The following TCF20 variants were observed in gnomAD, a reference collection of about 807,000 sequenced individuals.
The protein encoded by TCF20 is SPRE-binding protein.
Under a neutral mutation model 148.6 loss-of-function variants are expected in TCF20, and 3 were observed. The ratio of observed to expected loss-of-function variants is 0.02; its 90% confidence interval spans 0.01 to 0.05. The LOEUF (loss-of-function observed/expected upper bound fraction) is 0.05. Ranked by LOEUF, TCF20 falls within the 10% of genes least tolerant of loss-of-function variation. TCF20 has a pLI of 1.00. For missense variants in TCF20, 2,350 were observed against 2,429.3 expected, an observed-to-expected ratio of 0.97 and a Z score of 0.69; for synonymous variants, 1,049 against 909.5, an observed-to-expected ratio of 1.15 and a Z score of -2.76.
rs571659461 is a variant in TCF20, at chr22:42,231,873, G to A, written c.-36-16532C>T. ...GAACCCGGGAGGCGGAGCTTGCAGT[G>A]AGCCAAGATCAAGCCACCGCACTCC... On this transcript the variant is annotated intron_variant, in intron 1 of 5. Transcript: ENST00000677622. Among the ~76,000 whole-genome samples, 6 of 143,602 alleles carry A rather than the reference G, an allele frequency of 4.2e-5. No homozygotes were observed. In the Admixed American group the frequency reaches 4.4e-4, roughly 10 times the overall value. The allele number at this position is 143,602 out of a possible 152,430, so 94.2% of individuals were successfully genotyped here. A position where few individuals can be genotyped will look rare whatever the true frequency, so the allele number is the denominator to read the frequency against.
intron 3 of TCF20, among the ~76,000 whole-genome samples, chr22:42,178,878 A>G (rs958984960): frequency 6.6e-6 from 1 of 151,836 alleles, no homozygotes; most frequent in Admixed American, 6.6e-5. Context: ...AAACAACCCA[A>G]TTTTACAATG....
At chr22:42,203,709 G>A (rs1444662063) in intron 2 of TCF20, among the ~76,000 whole-genome samples, 1 of 152,216 alleles carries the variant, frequency 6.6e-6, no homozygotes, top group Non-Finnish European at 1.5e-5. Context: ...ATGAAGATGG[G>A]TCCCAGCAGA....
chr22:42,173,371 A>G (rs957397291), intron 3 of TCF20, among the ~76,000 whole-genome samples: 4 of 152,150 alleles, frequency 2.6e-5, no homozygotes, highest in African/African-American at 9.7e-5. Context: ...TGCAGGGTCA[A>G]CATCAGGTGG....
rs370050252 is a variant in TCF20 at position 42,215,236 on chromosome 22, A to C, written c.70T>G (p.Ser24Ala). 1 of 1,614,080 alleles carries C rather than the reference A, an allele frequency of 6.2e-7. No homozygotes were observed. The highest frequency in any genetic ancestry group is 8.5e-7 in the Non-Finnish European group (1 of 1,180,042). ...QQSYPQEVHG[S>A]SRLEEFSPRQ... ...GGGCTGAACTCTTCTAGCCGGGATG[A>C]GCCGTGTACCTCCTGTGGGTAGCTT... Residue 24 changes from serine (S) to alanine (A), a missense_variant, in exon 2 of 6, where the codon TCA (serine) becomes GCA (alanine). Coordinates refer to ENST00000677622, the MANE Select transcript of TCF20 (RefSeq NM_001378418.1).
At chr22:42,221,746 T>TTTTTTGTTTTG (rs901609719) in intron 1 of TCF20, among the ~76,000 whole-genome samples, 1 of 131,394 alleles carries the variant, frequency 7.6e-6, no homozygotes, top group African/African-American at 3.1e-5. Context: ...AGGGTTTTTT[T>TTTTTTGTTTTG]TTTTTTTTTT....
chr22:42,289,898 G>A (rs1463087234), intron 1 of TCF20, among the ~76,000 whole-genome samples: 1 of 152,218 alleles, frequency 6.6e-6, no homozygotes, highest in Non-Finnish European at 1.5e-5. Flanking sequence ...GCGGACCCCG[G>A]AGGCTGCTAC....
chr22:42,242,224 A>AAAACAAC (rs1257094788), intron 1 of TCF20, among the ~76,000 whole-genome samples: 1 of 147,582 alleles, frequency 6.8e-6, no homozygotes, highest in African/African-American at 2.6e-5. Flanking sequence ...AAAAAAAAAA[A>AAAACAAC]AAACAGAAAA....
intron 1 of TCF20, among the ~76,000 whole-genome samples, chr22:42,300,502 C>T (rs946913532): frequency 1.1e-4 from 16 of 152,126 alleles, no homozygotes; most frequent in Non-Finnish European, 2.1e-4. Flanking sequence ...CTTTTGTTTC[C>T]CAGGGGGCAC....
At position 42,317,322 on chromosome 22, in the gene TCF20, G is replaced by A. The variant is rs908807367; in HGVS notation, c.-37+26157C>T. On this transcript the variant is annotated intron_variant, in intron 1 of 1. Coordinates refer to the TCF20 transcript ENST00000515426. This position sits in a 1 kb window ranked among gnomAD's most constrained non-coding sequence, Gnocchi z 4.2. ...ACTGAAGGTGGCAATATTTCACCTC[G>A]CCCAGAAATTTACTGCAAGTTCTCA... Among the ~76,000 whole-genome samples, 6 of 152,122 alleles carry A rather than the reference G, an allele frequency of 3.9e-5. No homozygotes were observed. Among genetic ancestry groups the A allele is most frequent in the East Asian group, 1.9e-4 (1 of 5,204 alleles).
intron 1 of TCF20, among the ~76,000 whole-genome samples, chr22:42,235,407 G>T (rs1229710011): frequency 6.6e-6 from 1 of 152,126 alleles, no homozygotes; most frequent in Non-Finnish European, 1.5e-5. Flanking sequence ...GTATCAACTG[G>T]TGCACACCAT....
Position 42,211,072 on chromosome 22 carries a change from C to T in TCF20, c.4234G>A (p.Val1412Met), listed in dbSNP as rs1180749876. The change falls in exon 2 of 6, where the codon GTG becomes ATG. Residue 1412 changes from valine to methionine, a missense_variant. Transcript: ENST00000677622. The part of the protein sequence containing the change: ...DADIEKRKGE[V>M]ASDLVSPANQ... ...GCTGGACTGACTAGGTCCGAAGCCA[C>T]CTCACCTTTTCTCTTCTCTATGTCA... 1 of 1,614,044 alleles carries T rather than the reference C, an allele frequency of 6.2e-7. No individual in the cohort carries two copies. Among genetic ancestry groups the T allele is most frequent in the Non-Finnish European group, 8.5e-7 (1 of 1,180,032 alleles).
rs574020774 is a variant in TCF20, at chr22:42,169,485, C to T, written c.5799+362G>A. 6.6e-5 allele frequency among the ~76,000 whole-genome samples: 10 copies of T among 152,342 alleles called. No individual in the cohort carries two copies. The South Asian group carries it at 1.9e-3, about 28-fold the overall frequency. ...AGATGCCTTTGCACAGGCCTCAAGG[C>T]CTAGAACCAGACTTACCAAACGCCA... On this transcript the variant is annotated intron_variant, in intron 4 of 5. Transcript: ENST00000677622.
At chr22:42,307,909 C>T (rs1286124258) in intron 1 of TCF20, among the ~76,000 whole-genome samples, 1 of 152,232 alleles carries the variant, frequency 6.6e-6, no homozygotes, top group African/African-American at 2.4e-5. Context: ...GGAAGACGAA[C>T]TTCGAGGCAC....
At chr22:42,286,319 G>A (rs1228123567), upstream of TCF20, among the ~76,000 whole-genome samples, 1 of 152,124 alleles carries the variant, frequency 6.6e-6, no homozygotes, top group African/African-American at 2.4e-5. Context: ...GGGTTGACTG[G>A]AACAGTGAAT....
intron 1 of TCF20, among the ~76,000 whole-genome samples, chr22:42,243,804 A>G (rs1474390418): frequency 6.6e-6 from 1 of 152,206 alleles, no homozygotes; most frequent in African/African-American, 2.4e-5. Context: ...CTAAGCAATA[A>G]AGTCTACTAA....
At chr22:42,271,022 C>G (rs1275933594), upstream of TCF20, among the ~76,000 whole-genome samples, 1 of 152,034 alleles carries the variant, frequency 6.6e-6, no homozygotes, top group African/African-American at 2.4e-5. Context: ...TTCCCTGGAG[C>G]CTCCAACTCC....
chr22:42,196,260 G>C (rs922896214), intron 2 of TCF20, among the ~76,000 whole-genome samples: 6 of 152,218 alleles, frequency 3.9e-5, no homozygotes, highest in African/African-American at 1.4e-4. Flanking sequence ...CAGCTGGGCA[G>C]CACTTGCTGC....
intron 1 of TCF20, among the ~76,000 whole-genome samples, chr22:42,269,106 C>G (rs1283419721): frequency 6.6e-6 from 1 of 152,168 alleles, no homozygotes; most frequent in African/African-American, 2.4e-5. Flanking sequence ...CCTGGTCTCC[C>G]AGGTCGGAAT....
At position 42,338,417 on chromosome 22, in the gene TCF20, G is replaced by A. The variant is rs971884424; in HGVS notation, c.-37+5062C>T. Among the ~76,000 whole-genome samples, 8 of 23,620 alleles carry A rather than the reference G, an allele frequency of 3.4e-4. No individual in the cohort carries two copies. The highest frequency in any genetic ancestry group is 1.2e-3 in the African/African-American group (6 of 4,892). 15.5% of individuals were successfully genotyped at this position (23,620 alleles called of 152,430 possible). ...AAAGCTTAAATGGCAGCGCAGAGTCGGGAGGGGGGTGCCCAGGGGGCCTCA... is the reference window on the plus strand; with the variant it reads ...AAAGCTTAAATGGCAGCGCAGAGTCAGGAGGGGGGTGCCCAGGGGGCCTCA... On this transcript the variant is annotated intron_variant, in intron 1 of 1. Coordinates refer to the TCF20 transcript ENST00000515426. The surrounding 1 kb of genome is among the most constrained non-coding windows in gnomAD (Gnocchi z 4.0).
Sources: allele counts gnomAD v4.1 joint callset (sites outside exome capture counted in the v4.1 genomes callset), GRCh38; gene constraint gnomAD v4.1.1; non-coding constraint Gnocchi (gnomAD v3.1); transcripts MANE v1.5; gene names NCBI Gene and HGNC (gene_info 2026-07-23, HGNC 2026-07-21).